MALRD1: variants seen among roughly 807,000 people sequenced by gnomAD.
MALRD1 encodes MAM and LDL-receptor class A domain-containing protein 1.
A neutral mutation model predicts 242.1 loss-of-function variants in MALRD1; 247 were observed. The observed-to-expected ratio is 1.02, with a 90% CI of 0.92 to 1.13. MALRD1 has a LOEUF of 1.13. MALRD1 is among the 50% of genes most tolerant of loss of function. MALRD1 has a pLI of 0.00. For synonymous variants in MALRD1, 995 were observed against 866.6 expected (o/e 1.15, Z -2.60); for missense variants, 2,989 against 2,533.1 (o/e 1.18, Z -3.86).
chr10:19,714,323 G>A lies in MALRD1; in HGVS notation c.6315-16383G>A, dbSNP rs115739276. 5.6e-3 allele frequency among the ~76,000 whole-genome samples: 846 copies of A among 152,264 alleles called. 6 individuals are homozygous for A. The highest frequency in any genetic ancestry group is 0.019 in the African/African-American group (806 of 41,544). ...CGGAGTAGGGCTGCCCAGTGGCTGG[G>A]CTCCCCTCCAACCACCCTGGCCAAA... On this transcript the variant is annotated intron_variant, in intron 38 of 39. Coordinates refer to ENST00000454679, the MANE Select transcript of MALRD1 (RefSeq NM_001142308.3).
At position 19,240,991 on chromosome 10, in the gene MALRD1, C is replaced by A. The variant is rs149413980; in HGVS notation, c.2992-16693C>A. Among the ~76,000 whole-genome samples the A allele has an allele frequency of 2.4e-3, 359 of 152,088 alleles. 2 individuals are homozygous for A. Among genetic ancestry groups the A allele is most frequent in the African/African-American group, 8.3e-3 (344 of 41,524 alleles). ...TGTATCTTGTTGAGAATTTTTTTAT[C>A]TATGTTCTTCAGGAATATTGGCCTG... On this transcript the variant is annotated intron_variant, in intron 18 of 39. Coordinates refer to ENST00000454679, the MANE Select transcript of MALRD1 (RefSeq NM_001142308.3).
chr10:19,452,717 A>G (rs1383881927), intron 29 of MALRD1, among the ~76,000 whole-genome samples: 5 of 152,208 alleles, frequency 3.3e-5, no homozygotes, highest in African/African-American at 1.2e-4. Context: ...TGTAACATGG[A>G]TGATCAGAAG....
intron 18 of MALRD1, among the ~76,000 whole-genome samples, chr10:19,250,188 C>T (rs1320791394): frequency 6.6e-6 from 1 of 151,886 alleles, no homozygotes; most frequent in Non-Finnish European, 1.5e-5. Flanking sequence ...GACAGTAGTG[C>T]ATTGTGTTCT....
chr10:19,546,291 A>C (rs972140076), intron 32 of MALRD1, among the ~76,000 whole-genome samples: 1 of 152,178 alleles, frequency 6.6e-6, no homozygotes, highest in Non-Finnish European at 1.5e-5. Flanking sequence ...TTTGATGTAA[A>C]GCACTAGCTG....
chr10:19,270,679 C>T (rs1840186764), intron 19 of MALRD1, among the ~76,000 whole-genome samples: 1 of 152,082 alleles, frequency 6.6e-6, no homozygotes. Flanking sequence ...TGATGACTGA[C>T]TGCTTAACAG....
chr10:19,324,184 T>A, intron 22 of MALRD1, 79 bp downstream of exon 22: 2 of 1,353,996 alleles, frequency 1.5e-6, no homozygotes, highest in Non-Finnish European at 2.0e-6. Flanking sequence ...TTAAAATATA[T>A]TCTGTTAATA....
At chr10:19,313,305 T>TA (rs71387060) in intron 21 of MALRD1, among the ~76,000 whole-genome samples, 3 of 151,028 alleles carry the variant, frequency 2.0e-5, no homozygotes, top group African/African-American at 4.8e-5. Flanking sequence ...TAAATATTAT[T>TA]AATATTAAAT....
intron 21 of MALRD1, among the ~76,000 whole-genome samples, chr10:19,294,278 T>C (rs1340284876): frequency 1.3e-5 from 2 of 152,144 alleles, no homozygotes; most frequent in Non-Finnish European, 2.9e-5. Flanking sequence ...CCCCAAAATT[T>C]GTAGGAAAAA....
chr10:19,333,134 T>C (rs1270728102), intron 24 of MALRD1, among the ~76,000 whole-genome samples: 1 of 150,456 alleles, frequency 6.6e-6, no homozygotes, highest in Non-Finnish European at 1.5e-5. Context: ...CCACACCACT[T>C]CTTTTTAAAA....
chr10:19,177,278 C>CAAAAA (rs34742551), intron 14 of MALRD1, among the ~76,000 whole-genome samples: 3 of 114,076 alleles, frequency 2.6e-5, no homozygotes, highest in African/African-American at 6.6e-5. Context: ...AGATTCCTCT[C>CAAAAA]AAAAAAAAAA....
chr10:19,249,463 G>A (rs1337986403), intron 18 of MALRD1, among the ~76,000 whole-genome samples: 1 of 151,826 alleles, frequency 6.6e-6, no homozygotes, highest in African/African-American at 2.4e-5. Flanking sequence ...ATATAGCATG[G>A]CACCAAGTGT....
intron 19 of MALRD1, among the ~76,000 whole-genome samples, chr10:19,260,066 T>C (rs1839680179): frequency 6.6e-6 from 1 of 152,176 alleles, no homozygotes; most frequent in Non-Finnish European, 1.5e-5. Context: ...GGAATGTCAA[T>C]AATTTTAGGT....
At chr10:19,363,944 G>T (rs1275947953) in intron 26 of MALRD1, among the ~76,000 whole-genome samples, 1 of 152,026 alleles carries the variant, frequency 6.6e-6, no homozygotes, top group South Asian at 2.1e-4. Context: ...GCATTGCATT[G>T]CAGTAAAAAA....
chr10:19,438,772 G>C (rs1226656824), intron 28 of MALRD1, among the ~76,000 whole-genome samples: 38 of 152,082 alleles, frequency 2.5e-4, no homozygotes, highest in Admixed American at 2.5e-3. Context: ...TGAGTGGTGA[G>C]TGACTTTTTT....
intron 1 of MALRD1, among the ~76,000 whole-genome samples, chr10:19,061,781 G>A (rs1008493346): frequency 6.6e-6 from 1 of 152,078 alleles, no homozygotes; most frequent in African/African-American, 2.4e-5. Context: ...TATACAACAA[G>A]GTACCTCAAA....
chr10:19,224,886 G>A (rs1837724798), intron 18 of MALRD1, among the ~76,000 whole-genome samples: 1 of 152,054 alleles, frequency 6.6e-6, no homozygotes, highest in Admixed American at 6.6e-5. Flanking sequence ...CACTGCTTTT[G>A]GTGTTTTAGT....
chr10:19,433,081 C>G (rs1288844008), intron 28 of MALRD1, among the ~76,000 whole-genome samples: 2 of 152,188 alleles, frequency 1.3e-5, no homozygotes, highest in Non-Finnish European at 2.9e-5. Flanking sequence ...TTAGGTACTC[C>G]TTATCAGATT....
chr10:19,555,979 G>T (rs1235014347), intron 32 of MALRD1, among the ~76,000 whole-genome samples: 1 of 152,042 alleles, frequency 6.6e-6, no homozygotes, highest in African/African-American at 2.4e-5. Flanking sequence ...TCTTTAATTG[G>T]CATTGAAATT....
intron 28 of MALRD1, among the ~76,000 whole-genome samples, chr10:19,410,374 T>A (rs1434001850): frequency 6.6e-6 from 1 of 152,158 alleles, no homozygotes; most frequent in African/African-American, 2.4e-5. Context: ...GCGGTCTTCA[T>A]GAACCTCAAG....
Sources: allele counts gnomAD v4.1 joint callset (sites outside exome capture counted in the v4.1 genomes callset), GRCh38; gene constraint gnomAD v4.1.1; transcripts MANE v1.5; gene names NCBI Gene and HGNC (gene_info 2026-07-23, HGNC 2026-07-21).